TBCD: variants seen among roughly 807,000 people sequenced by gnomAD.
The protein encoded by TBCD is tubulin folding cofactor D.
A neutral mutation model predicts 169.3 loss-of-function variants in TBCD; 105 were observed. That is an observed-to-expected ratio of 0.62 (90% CI 0.53 to 0.73). The LOEUF (loss-of-function observed/expected upper bound fraction) is 0.73. TBCD is among the 30% of genes least tolerant of loss of function. TBCD has a pLI of 0.00. For synonymous variants in TBCD, 700 were observed against 643.9 expected, an observed-to-expected ratio of 1.09 and a Z score of -1.32; for missense variants, 1,444 against 1,600.1, an observed-to-expected ratio of 0.90 and a Z score of 1.66.
At position 82,930,287 on chromosome 17, in the gene TBCD, T is replaced by C. The variant is rs979112271; in HGVS notation, c.2992-235T>C. ...TCGTCACGTGCTCTCCCGCATGTCCTAAGTGAGGGCTCAGGCTGAGCTGCC... is the reference window on the plus strand; with the variant it reads ...TCGTCACGTGCTCTCCCGCATGTCCCAAGTGAGGGCTCAGGCTGAGCTGCC... On this transcript the variant is annotated intron_variant, in intron 32 of 38. Coordinates refer to ENST00000355528, the MANE Select transcript of TBCD (RefSeq NM_005993.5). This position sits in a 1 kb window ranked among gnomAD's most constrained non-coding sequence, Gnocchi z 5.2. 9.1e-5 allele frequency: 51 copies of C among 557,560 alleles called. No homozygotes were observed. Among genetic ancestry groups the C allele is most frequent in the Middle Eastern group, 4.7e-4 (1 of 2,122 alleles). The allele number at this position is 557,560 out of a possible 1,614,324, so 34.5% of individuals were successfully genotyped here. A position where few individuals can be genotyped will look rare whatever the true frequency, so the allele number is the denominator to read the frequency against.
intron 13 of TBCD, among the ~76,000 whole-genome samples, chr17:82,859,080 C>G (rs555537789): frequency 1.6e-4 from 24 of 152,198 alleles, no homozygotes; most frequent in African/African-American, 5.5e-4. Flanking sequence ...CCCGCACTGG[C>G]TTTTAGGGAA....
intron 9 of TBCD, among the ~76,000 whole-genome samples, chr17:82,802,756 CTT>C (rs1250922025): frequency 2.8e-5 from 4 of 140,896 alleles, no homozygotes; most frequent in Non-Finnish European, 6.1e-5. Context: ...CTCTGCCTGA[CTT>C]TGTCTACAGA....
chr17:82,918,059 A>G (rs892174206), intron 23 of TBCD, among the ~76,000 whole-genome samples: 8 of 152,340 alleles, frequency 5.3e-5, no homozygotes, highest in African/African-American at 1.9e-4. Context: ...ATAGACTTAC[A>G]GGAAGTTATG....
intron 10 of TBCD, 37 bp from the exon 11 acceptor site, chr17:82,807,567 TTGTG>T (rs2051064014): frequency 3.5e-6 from 5 of 1,420,984 alleles, no homozygotes; most frequent in Non-Finnish European, 3.7e-6. Context: ...ACTAGGAACT[TTGTG>T]TGGACTCTGT....
chr17:82,905,904 C>T, intron 19 of TBCD, 32 bp from the exon 20 acceptor site: 1 of 1,552,134 alleles, frequency 6.4e-7, no homozygotes, highest in Non-Finnish European at 8.8e-7. Context: ...TGTACACACC[C>T]TCACCTGCCC....
chr17:82,792,372 CAT>C (rs552600143), intron 7 of TBCD, among the ~76,000 whole-genome samples: 3,378 of 150,450 alleles, frequency 0.022, 140 homozygotes, highest in African/African-American at 0.078. Context: ...CACACACACA[CAT>C]ATATGTGTAT....
In TBCD at chr17:82,833,816, C is replaced by T. The variant is rs902806013; in HGVS notation, c.1318+18882C>T. On this transcript the variant is annotated intron_variant, in intron 13 of 38. Transcript: ENST00000355528. The surrounding 1 kb of genome is among the most constrained non-coding windows in gnomAD (Gnocchi z 4.7). ...CACCCACTCAGGTCCTGGGACCCAC[C>T]AGAGGCTGTGTGTGTGATGTCAGAG... Among the ~76,000 whole-genome samples, 2 of 152,128 alleles carry T rather than the reference C, an allele frequency of 1.3e-5. No individual in the cohort carries two copies. The highest frequency in any genetic ancestry group is 4.8e-5 in the African/African-American group (2 of 41,360).
chr17:82,897,053 G>A (rs564783288), intron 17 of TBCD, among the ~76,000 whole-genome samples: 94 of 152,122 alleles, frequency 6.2e-4, no homozygotes, highest in Non-Finnish European at 9.4e-4. Context: ...CACATCTTTC[G>A]CCCATTTACT....
chr17:82,817,787 A>G (rs1381933374), intron 13 of TBCD, among the ~76,000 whole-genome samples: 1 of 152,144 alleles, frequency 6.6e-6, no homozygotes, highest in Non-Finnish European at 1.5e-5. Flanking sequence ...TTAAATTTTA[A>G]TTAAGTCCAG....
rs116988896 is a variant in TBCD, at chr17:82,874,415, C to G, written c.1475+4035C>G. Reference sequence around the variant, plus strand: ...CTTTGGTTTTTGGAGGTCCTGGGTGCGTCTCCACCATGGCTCCCGGGTTCC... The same window carrying G: ...CTTTGGTTTTTGGAGGTCCTGGGTGGGTCTCCACCATGGCTCCCGGGTTCC... On this transcript the variant is annotated intron_variant, in intron 14 of 38. Transcript: ENST00000355528. The surrounding 1 kb of genome is among the most constrained non-coding windows in gnomAD (Gnocchi z 5.0). Among the ~76,000 whole-genome samples the G allele has an allele frequency of 4.8e-3, 732 of 152,204 alleles. 5 individuals are homozygous for G. Among genetic ancestry groups the G allele is most frequent in the African/African-American group, 0.015 (621 of 41,528 alleles).
intron 13 of TBCD, among the ~76,000 whole-genome samples, chr17:82,820,817 G>C (rs2145052648): frequency 6.8e-6 from 1 of 146,344 alleles, no homozygotes; most frequent in Middle Eastern, 3.5e-3. Context: ...CTTAGGTTCT[G>C]TGCTCATTTC....
intron 17 of TBCD, chr17:82,895,879 T>G (rs2059440730): frequency 6.6e-6 from 1 of 152,042 alleles, no homozygotes; most frequent in African/African-American, 2.4e-5. Context: ...AGGAAGACTG[T>G]GGGGCGAGAC....
At chr17:82,872,383 T>C (rs1037533839) in intron 14 of TBCD, among the ~76,000 whole-genome samples, 3 of 152,324 alleles carry the variant, frequency 2.0e-5, no homozygotes, top group East Asian at 3.9e-4. Flanking sequence ...CTGGCAGCGC[T>C]GCTGGGCAGG....
intron 37 of TBCD, among the ~76,000 whole-genome samples, chr17:82,940,992 T>C (rs1324279639): frequency 5.9e-5 from 9 of 152,232 alleles, no homozygotes; most frequent in Non-Finnish European, 1.2e-4. Context: ...AAAGAGAATA[T>C]TTTAAATTAG....
rs139369606 is a variant in TBCD, at chr17:82,784,160, T to G, written c.771+2439T>G. 6.4e-4 allele frequency among the ~76,000 whole-genome samples: 98 copies of G among 152,198 alleles called. No individual in the cohort carries two copies. In the South Asian group the frequency reaches 7.0e-3, roughly 11 times the overall value. On this transcript the variant is annotated intron_variant, in intron 7 of 38. Coordinates refer to ENST00000355528, the MANE Select transcript of TBCD (RefSeq NM_005993.5). Reference sequence around the variant, plus strand: ...AGAAAAAACAAACCCAACTTAATACTTTCAGTACCCTTGGGTACACAACAC... The same window carrying G: ...AGAAAAAACAAACCCAACTTAATACGTTCAGTACCCTTGGGTACACAACAC...
At position 82,825,348 on chromosome 17, in the gene TBCD, G is replaced by A. The variant is rs2052748935; in HGVS notation, c.1318+10414G>A. On this transcript the variant is annotated intron_variant, in intron 13 of 38. Transcript: ENST00000355528. ...TGTGAGGCTTTGGGTCCTGAGTGTG[G>A]ACCGTGGCATGTGATGTCTTGTCAC... Among the ~76,000 whole-genome samples, 5 of 152,178 alleles carry A rather than the reference G, an allele frequency of 3.3e-5. No homozygotes were observed. The South Asian group carries it at 1.0e-3, about 32-fold the overall frequency.
chr17:82,858,816 G>A (rs933196511), intron 13 of TBCD: 8 of 282,550 alleles, frequency 2.8e-5, no homozygotes, highest in African/African-American at 1.6e-4. Flanking sequence ...GCTTGGTGGC[G>A]AGGAGGGTGC....
chr17:82,938,185 C>G (rs755087917), intron 36 of TBCD, 49 bp downstream of exon 36: 3 of 1,573,542 alleles, frequency 1.9e-6, no homozygotes, highest in Admixed American at 1.8e-5. Context: ...GACACAAGCC[C>G]CTCAGTGACA....
chr17:82,783,093 T>G (rs1598469335), intron 7 of TBCD, among the ~76,000 whole-genome samples: 1 of 71,502 alleles, frequency 1.4e-5, no homozygotes, highest in African/African-American at 5.4e-5. Flanking sequence ...GTCAGCTGGG[T>G]GGAGGGGGGC....
Sources: allele counts gnomAD v4.1 joint callset (sites outside exome capture counted in the v4.1 genomes callset), GRCh38; gene constraint gnomAD v4.1.1; non-coding constraint Gnocchi (gnomAD v3.1); transcripts MANE v1.5; gene names NCBI Gene and HGNC (gene_info 2026-07-23, HGNC 2026-07-21).